PTPRC: variants seen among roughly 807,000 people sequenced by gnomAD.
PTPRC encodes the protein protein tyrosine phosphatase receptor type C.
In PTPRC, 44 loss-of-function variants were observed where a neutral mutation model predicts 155.9. That is an observed-to-expected ratio of 0.28 (90% confidence interval 0.22 to 0.36). The LOEUF is 0.36. Among genes scored for constraint, PTPRC ranks in the 10% least tolerant of loss-of-function variants. The pLI is 1.00. For missense variants in PTPRC, 1,401 were observed against 1,564.6 expected (o/e 0.90, Z 1.76); for synonymous variants, 525 against 533.1 (o/e 0.98, Z 0.21).
At chr1:198,740,140 T>C (rs1396941834) in intron 23 of PTPRC, among the ~76,000 whole-genome samples, 2 of 151,318 alleles carry the variant, frequency 1.3e-5, no homozygotes, top group African/African-American at 4.9e-5. Flanking sequence ...AACAACATAA[T>C]GATACATTTC....
At chr1:198,725,476 C>T (rs1571873076) in intron 15 of PTPRC, among the ~76,000 whole-genome samples, 2 of 152,298 alleles carry the variant, frequency 1.3e-5, no homozygotes, top group South Asian at 2.1e-4. Context: ...TCCAGAATTA[C>T]CCTACTCCTT....
chr1:198,640,639 A>G (rs1662524930), intron 2 of PTPRC, among the ~76,000 whole-genome samples: 1 of 152,018 alleles, frequency 6.6e-6, no homozygotes, highest in African/African-American at 2.4e-5. Context: ...AAGAATAATA[A>G]TCTCAATGAA....
At chr1:198,665,886 T>A (rs953849007) in intron 2 of PTPRC, among the ~76,000 whole-genome samples, 2 of 152,092 alleles carry the variant, frequency 1.3e-5, no homozygotes, top group African/African-American at 4.8e-5. Context: ...TGGAAAGACA[T>A]CCCAAGTGTA....
At chr1:198,701,125 A>G (rs1044123079) in intron 5 of PTPRC, among the ~76,000 whole-genome samples, 10 of 152,180 alleles carry the variant, frequency 6.6e-5, no homozygotes, top group African/African-American at 2.4e-5. Flanking sequence ...GGGGATCCAG[A>G]GTGGAAAACC....
intron 23 of PTPRC, among the ~76,000 whole-genome samples, chr1:198,739,181 A>G (rs1398730230): frequency 6.6e-6 from 1 of 151,804 alleles, no homozygotes. Context: ...GCCACAAAAC[A>G]ACCATAAAAG....
chr1:198,660,268 A>T (rs898442819), intron 2 of PTPRC, among the ~76,000 whole-genome samples: 3 of 151,946 alleles, frequency 2.0e-5, no homozygotes, highest in Non-Finnish European at 4.4e-5. Context: ...TTACTTTTAT[A>T]AAAACTGGTA....
chr1:198,734,395 C>G lies in PTPRC; in HGVS notation c.2247C>G (p.Val749=). 6.2e-7 allele frequency: 1 copy of G among 1,610,978 alleles called. No homozygotes were observed. Among genetic ancestry groups the G allele is most frequent in the Non-Finnish European group, 8.5e-7 (1 of 1,177,838 alleles). Reference sequence around the variant, plus strand: ...GGGAACAGAAAGCCACAGTTATTGTCATGGTCACTCGATGTGAAGAAGGAA... The same window carrying G: ...GGGAACAGAAAGCCACAGTTATTGTGATGGTCACTCGATGTGAAGAAGGAA... ...MIWEQKATVI[V]MVTRCEEGNR... is the part of the protein sequence containing the mutation. Residue 749 remains valine, a synonymous_variant, in exon 22 of 33, where the codon GTC becomes GTG. Transcript: ENST00000442510.
intron 14 of PTPRC, among the ~76,000 whole-genome samples, chr1:198,718,721 A>G (rs1018281243): frequency 1.3e-5 from 2 of 152,112 alleles, no homozygotes; most frequent in African/African-American, 4.8e-5. Flanking sequence ...ACACTAGACA[A>G]TACTAGTGAG....
At chr1:198,701,706 A>G (rs1184644499) in intron 5 of PTPRC, among the ~76,000 whole-genome samples, 1 of 152,240 alleles carries the variant, frequency 6.6e-6, no homozygotes, top group Non-Finnish European at 1.5e-5. Flanking sequence ...TGATTGAAAA[A>G]TAAGAGAATG....
At chr1:198,682,476 C>G (rs759279166) in intron 2 of PTPRC, among the ~76,000 whole-genome samples, 1 of 152,102 alleles carries the variant, frequency 6.6e-6, no homozygotes, top group Non-Finnish European at 1.5e-5. Flanking sequence ...TAATTCATCT[C>G]CTGGCTCATT....
At chr1:198,742,148 G>A in intron 24 of PTPRC, 84 bp from the exon 25 acceptor site, 1 of 1,604,052 alleles carries the variant, frequency 6.2e-7, no homozygotes. Context: ...CAACCTATGG[G>A]AGAAGCTTAG....
At position 198,756,119 on chromosome 1, in the gene PTPRC, A is replaced by C; in HGVS notation, c.3859A>C (p.Thr1287Pro). 1 of 1,613,400 alleles carries C rather than the reference A, an allele frequency of 6.2e-7. No homozygotes were observed. Among genetic ancestry groups the C allele is most frequent in the Non-Finnish European group, 8.5e-7 (1 of 1,179,636 alleles). Residue 1287 changes from threonine (T) to proline (P), a missense_variant, in exon 33 of 33, where the codon ACT becomes CCT. Physicochemically the swap from Thr to Pro is conservative, Grantham distance 38. Transcript: ENST00000442510. ...TGAAGGTTCTGAACCCACGAGTGGC[A>C]CTGAGGGGCCAGAACATTCTGTCAA... ...QAEGSEPTSG[T>P]EGPEHSVNGP...
At chr1:198,749,972 C>G (rs1301753033) in intron 28 of PTPRC, among the ~76,000 whole-genome samples, 1 of 151,826 alleles carries the variant, frequency 6.6e-6, no homozygotes, top group Non-Finnish European at 1.5e-5. Flanking sequence ...CATATCCCCC[C>G]ACTTTTTTAA....
chr1:198,699,058 G>A (rs1442146905), intron 4 of PTPRC, among the ~76,000 whole-genome samples: 2 of 152,064 alleles, frequency 1.3e-5, no homozygotes, highest in Non-Finnish European at 2.9e-5. Context: ...ATTTCATGTT[G>A]ATTTACATTT....
chr1:198,725,700 G>T (rs1654101423), intron 15 of PTPRC, among the ~76,000 whole-genome samples: 2 of 152,060 alleles, frequency 1.3e-5, no homozygotes, highest in African/African-American at 4.8e-5. Flanking sequence ...ATTTTTTCAA[G>T]AAGATATTTT....
At position 198,731,684 on chromosome 1, in the gene PTPRC, G is replaced by A; in HGVS notation, c.1932G>A (p.Arg644=). The change falls in exon 18 of 33, where the codon AGG becomes AGA. Residue 644 remains arginine, a synonymous_variant. Coordinates refer to ENST00000442510, the MANE Select transcript of PTPRC (RefSeq NM_002838.5). ...ATATTTTGTTGGAAACTTATAAGAGGAAGATTGCTGATGAAGGAAGACTTT... is the reference window on the plus strand; with the variant it reads ...ATATTTTGTTGGAAACTTATAAGAGAAAGATTGCTGATGAAGGAAGACTTT... ...HADILLETYK[R]KIADEGRLFL... 6.2e-7 allele frequency: 1 copy of A among 1,611,388 alleles called. No individual in the cohort carries two copies. Among genetic ancestry groups the A allele is most frequent in the Non-Finnish European group, 8.5e-7 (1 of 1,177,954 alleles).
Position 198,735,449 on chromosome 1 carries a change from C to T in PTPRC, c.2403+197C>T, listed in dbSNP as rs546720958. On this transcript the variant is annotated intron_variant, in intron 23 of 32. Transcript: ENST00000442510. ...CACTGGTCAAGACGTTTTTGTCCAACTCAAATCGAAAGAATTATACTGTAT... is the reference window on the plus strand; with the variant it reads ...CACTGGTCAAGACGTTTTTGTCCAATTCAAATCGAAAGAATTATACTGTAT... Among the ~76,000 whole-genome samples, 4 of 151,314 alleles carry T rather than the reference C, an allele frequency of 2.6e-5. No individual in the cohort carries two copies. The East Asian group carries it at 7.8e-4, about 30-fold the overall frequency.
intron 2 of PTPRC, among the ~76,000 whole-genome samples, chr1:198,661,595 G>T (rs1490565121): frequency 1.3e-5 from 2 of 151,822 alleles, no homozygotes; most frequent in Non-Finnish European, 2.9e-5. Flanking sequence ...TCTTAGTACT[G>T]TTAGGTAAAT....
intron 26 of PTPRC, 110 bp downstream of exon 26, chr1:198,744,313 C>T: frequency 8.8e-7 from 1 of 1,133,116 alleles, no homozygotes; most frequent in Non-Finnish European, 1.3e-6. Flanking sequence ...TTAGTCTTCA[C>T]CAGAACCAAA....
Sources: allele counts gnomAD v4.1 joint callset (sites outside exome capture counted in the v4.1 genomes callset), GRCh38; gene constraint gnomAD v4.1.1; transcripts MANE v1.5; gene names NCBI Gene and HGNC (gene_info 2026-07-23, HGNC 2026-07-21).